ANO3: variants seen among roughly 807,000 people sequenced by gnomAD.
ANO3 encodes anoctamin-3.
ANO3 carries 99 observed loss-of-function variants against 144.8 expected under a neutral mutation model. The observed-to-expected ratio is 0.68, with a 90% CI of 0.58 to 0.81. The LOEUF (loss-of-function observed/expected upper bound fraction) is 0.81. Among genes scored for constraint, ANO3 ranks in the 30% least tolerant of loss-of-function variants. The pLI is 0.00. For missense variants in ANO3, 905 were observed against 1,202.2 expected (o/e 0.75, Z 3.66); for synonymous variants, 414 against 392.6 (o/e 1.05, Z -0.64).
At chr11:26,549,316 T>A (rs908068593) in intron 12 of ANO3, among the ~76,000 whole-genome samples, 36 of 151,974 alleles carry the variant, frequency 2.4e-4, no homozygotes, top group African/African-American at 8.7e-4. Flanking sequence ...TGTCAGACTT[T>A]CTATTCTAAA....
intron 10 of ANO3, among the ~76,000 whole-genome samples, chr11:26,538,743 T>C (rs146248104): frequency 0.027 from 4,122 of 152,252 alleles, 95 homozygotes; most frequent in Non-Finnish European, 0.044. Flanking sequence ...GTGCTTGTAA[T>C]TTGGATGAAA....
chr11:26,511,149 A>C (rs1861648804), intron 5 of ANO3, among the ~76,000 whole-genome samples: 1 of 152,216 alleles, frequency 6.6e-6, no homozygotes, highest in Non-Finnish European at 1.5e-5. Context: ...TCGTCCCTGC[A>C]AACTGCTACC....
At chr11:26,293,452 T>A (rs1401024642) in intron 1 of ANO3, among the ~76,000 whole-genome samples, 1 of 148,154 alleles carries the variant, frequency 6.7e-6, no homozygotes, top group Non-Finnish European at 1.5e-5. Context: ...ACATTACTGA[T>A]AAACAATGAG....
At chr11:26,310,308 C>CTATTGGTTAACCAATTGATTGGT (rs1284088769) in intron 1 of ANO3, among the ~76,000 whole-genome samples, 31 of 152,138 alleles carry the variant, frequency 2.0e-4, no homozygotes, top group Non-Finnish European at 1.2e-4. Flanking sequence ...GAGAGCAATT[C>CTATTGGTTAACCAATTGATTGGT]TATTGGTTAA....
intron 1 of ANO3, among the ~76,000 whole-genome samples, chr11:26,231,470 C>T (rs906686977): frequency 6.6e-6 from 1 of 152,188 alleles, no homozygotes; most frequent in African/African-American, 2.4e-5. Context: ...GGAAAGGTGA[C>T]TTGTCCAACT....
At chr11:26,606,122 T>G (rs1851928868) in intron 17 of ANO3, among the ~76,000 whole-genome samples, 1 of 152,200 alleles carries the variant, frequency 6.6e-6, no homozygotes, top group South Asian at 2.1e-4. Context: ...GTCCCAGAGA[T>G]TCTTGTATGT....
chr11:26,587,776 G>C (rs1208218544), intron 14 of ANO3, among the ~76,000 whole-genome samples: 2 of 151,988 alleles, frequency 1.3e-5, no homozygotes, highest in East Asian at 3.9e-4. Context: ...GGACAACTTG[G>C]TGAAACCCTG....
intron 2 of ANO3, among the ~76,000 whole-genome samples, chr11:26,443,418 A>G (rs1424728723): frequency 6.6e-6 from 1 of 151,936 alleles, no homozygotes; most frequent in Admixed American, 6.6e-5. Flanking sequence ...CCTGGCCAAG[A>G]TGGTGAAACC....
upstream of ANO3, among the ~76,000 whole-genome samples, chr11:26,330,646 ATC>A (rs1392102182): frequency 7.9e-5 from 12 of 152,218 alleles, no homozygotes. Flanking sequence ...GCCTGTCTGA[ATC>A]TAGCCCACCT....
At chr11:26,587,383 A>C (rs1178529655) in intron 14 of ANO3, among the ~76,000 whole-genome samples, 4 of 152,178 alleles carry the variant, frequency 2.6e-5, no homozygotes, top group Non-Finnish European at 5.9e-5. Flanking sequence ...GAGATCACCT[A>C]AGCTGGGTGC....
At chr11:26,573,853 A>G (rs1850918696) in intron 14 of ANO3, among the ~76,000 whole-genome samples, 1 of 152,140 alleles carries the variant, frequency 6.6e-6, no homozygotes, top group Non-Finnish European at 1.5e-5. Flanking sequence ...TAAAATGTAA[A>G]CTGTACGTAA....
At chr11:26,240,409 A>G (rs1852638067) in intron 1 of ANO3, among the ~76,000 whole-genome samples, 1 of 152,190 alleles carries the variant, frequency 6.6e-6, no homozygotes. Flanking sequence ...TGCATTTGGT[A>G]AGTCCTATTA....
intron 1 of ANO3, among the ~76,000 whole-genome samples, chr11:26,266,428 T>C (rs570222632): frequency 6.8e-5 from 10 of 147,846 alleles, no homozygotes; most frequent in African/African-American, 2.3e-4. Context: ...AAACAACAAA[T>C]GTAATTTTTT....
chr11:26,457,643 C>T (rs1221092285), intron 3 of ANO3, among the ~76,000 whole-genome samples: 3 of 152,090 alleles, frequency 2.0e-5, no homozygotes, highest in Non-Finnish European at 2.9e-5. Flanking sequence ...GTAACGGACT[C>T]ACTGCCACCC....
chr11:26,624,347 A>T lies in ANO3; in HGVS notation c.1837-115A>T, dbSNP rs1012552. 597,870 of 657,532 alleles carry T rather than the reference A, an allele frequency of 0.91. 272,681 individuals are homozygous for T. Among genetic ancestry groups the T allele is most frequent in the Middle Eastern group, 0.94 (2,272 of 2,412 alleles). 40.7% of individuals were successfully genotyped at this position (657,532 alleles called of 1,614,324 possible). A position where few individuals can be genotyped will look rare whatever the true frequency, so the allele number is the denominator to read the frequency against. ...AGTTTCAATAAATGTTTCTATTTAA[A>T]GTAAAATGTAACCACTGTATAACAT... On this transcript the variant is annotated intron_variant, in intron 17 of 26. Coordinates refer to ENST00000256737, the MANE Select transcript of ANO3 (RefSeq NM_031418.4).
chr11:26,268,028 A>T (rs1359927400), intron 1 of ANO3, among the ~76,000 whole-genome samples: 1 of 152,224 alleles, frequency 6.6e-6, no homozygotes. Flanking sequence ...TGCAGAGTCG[A>T]GAAAATACCT....
intron 1 of ANO3, among the ~76,000 whole-genome samples, chr11:26,194,349 A>G (rs888628350): frequency 6.6e-6 from 1 of 152,000 alleles, no homozygotes; most frequent in Non-Finnish European, 1.5e-5. Flanking sequence ...TATTCATTTT[A>G]ACATTAAAGA....
chr11:26,622,606 G>A (rs979288865), intron 17 of ANO3, among the ~76,000 whole-genome samples: 2 of 152,056 alleles, frequency 1.3e-5, no homozygotes, highest in Admixed American at 1.3e-4. Context: ...ACTTTGTCTC[G>A]AAAATAAATA....
intron 1 of ANO3, among the ~76,000 whole-genome samples, chr11:26,282,671 A>T (rs1320508421): frequency 6.6e-6 from 1 of 152,168 alleles, no homozygotes; most frequent in Non-Finnish European, 1.5e-5. Context: ...AAACAAGACT[A>T]TATCTCCAGT....
Sources: allele counts gnomAD v4.1 joint callset (sites outside exome capture counted in the v4.1 genomes callset), GRCh38; gene constraint gnomAD v4.1.1; transcripts MANE v1.5; gene names NCBI Gene and HGNC (gene_info 2026-07-23, HGNC 2026-07-21).